Variants in SHANK2 observed in about 807,000 individuals in gnomAD.
SHANK2 encodes the protein SH3 and multiple ankyrin repeat domains protein 2.
In SHANK2, 43 loss-of-function variants were observed where a neutral mutation model predicts 133.7. The ratio of observed to expected loss-of-function variants is 0.32; its 90% CI spans 0.25 to 0.41. SHANK2 has a LOEUF of 0.41. Ranked by LOEUF, SHANK2 falls within the 10% of genes least tolerant of loss-of-function variation. The probability of loss-of-function intolerance (pLI) is 1.00; values close to 1 mark genes in which losing one functional copy is unlikely to be tolerated. For synonymous variants in SHANK2, 1,017 were observed against 952.8 expected (o/e 1.07, Z -1.24); for missense variants, 1,994 against 2,235.8 (o/e 0.89, Z 2.18).
At chr11:70,489,462 G>A in intron 23 of SHANK2, 114 bp from the exon 24 acceptor site, 1 of 936,296 alleles carries the variant, frequency 1.1e-6, no homozygotes, top group Non-Finnish European at 1.8e-6. Flanking sequence ...CACCTCCACG[G>A]CCACTTACTG....
intron 2 of SHANK2, among the ~76,000 whole-genome samples, chr11:71,155,147 G>A (rs1338372343): frequency 1.5e-4 from 10 of 66,192 alleles, no homozygotes; most frequent in East Asian, 1.0e-3. Context: ...CCACGCTCCC[G>A]GAGGAGGAGT....
chr11:71,253,056 G>A (rs1412661196), upstream of SHANK2, among the ~76,000 whole-genome samples: 1 of 152,212 alleles, frequency 6.6e-6, no homozygotes, highest in Non-Finnish European at 1.5e-5. Context: ...GCCGGCGTCT[G>A]CTGCCCAGGC....
At chr11:70,694,262 C>T (rs534698049) in intron 15 of SHANK2, among the ~76,000 whole-genome samples, 5 of 152,290 alleles carry the variant, frequency 3.3e-5, no homozygotes, top group East Asian at 1.9e-4. Flanking sequence ...CACTGTTTTC[C>T]GGGTGAGTGG....
chr11:70,874,156 TATCTA>T (rs1162889581), intron 11 of SHANK2, among the ~76,000 whole-genome samples: 12 of 152,118 alleles, frequency 7.9e-5, no homozygotes, highest in Non-Finnish European at 1.6e-4. Context: ...TATCCATATC[TATCTA>T]ATCTATCTAC....
chr11:71,125,686 C>T (rs1391164979), intron 3 of SHANK2, among the ~76,000 whole-genome samples: 13 of 152,172 alleles, frequency 8.5e-5, no homozygotes, highest in Admixed American at 4.6e-4. Flanking sequence ...CAGAAGATCT[C>T]GCTCAGATCA....
chr11:70,756,457 G>A (rs1438322760), intron 14 of SHANK2, among the ~76,000 whole-genome samples: 5 of 152,184 alleles, frequency 3.3e-5, no homozygotes, highest in Non-Finnish European at 7.3e-5. Context: ...AAGCCCCCAC[G>A]CTGCCTGGCA....
chr11:70,492,616 C>CAGAGG, intron 21 of SHANK2, 151 bp from the exon 22 acceptor site: 4 of 1,021,814 alleles, frequency 3.9e-6, no homozygotes, highest in Non-Finnish European at 2.9e-6. Context: ...TGTGCCTCTG[C>CAGAGG]CACATGCATT....
chr11:71,064,296 C>T (rs1951020433), intron 9 of SHANK2, among the ~76,000 whole-genome samples: 1 of 152,180 alleles, frequency 6.6e-6, no homozygotes, highest in Non-Finnish European at 1.5e-5. Context: ...GAGGATGCGG[C>T]TGGCTGGGCA....
intron 13 of SHANK2, among the ~76,000 whole-genome samples, chr11:70,800,913 T>A (rs530063553): frequency 3.3e-5 from 5 of 152,138 alleles, no homozygotes; most frequent in Non-Finnish European, 7.4e-5. Context: ...TTCTGCTGTT[T>A]TATATGGGCC....
chr11:70,875,269 T>C (rs1555070984), intron 11 of SHANK2, among the ~76,000 whole-genome samples: 6 of 152,212 alleles, frequency 3.9e-5, no homozygotes, highest in Non-Finnish European at 7.4e-5. Flanking sequence ...GCAGACAGCG[T>C]CACTCACTCC....
intron 11 of SHANK2, chr11:70,896,269 G>C (rs782207532): frequency 2.7e-5 from 12 of 444,742 alleles, no homozygotes; most frequent in Non-Finnish European, 4.7e-5. Context: ...CATCCTTCTA[G>C]AGAGGCATGT....
Position 71,211,642 on chromosome 11 carries a change from C to CAA in SHANK2, c.-13+13053_-13+13054dup, listed in dbSNP as rs35529960. On this transcript the variant is annotated intron_variant, in intron 2 of 25. Transcript: ENST00000601538. The stretch of plus-strand genomic sequence containing the variant: ...ACCACAATCCATTTTTGAGCATTTG[C>CAA]AAAAAAAAAAAAAAAAAATTAACCT... Among the ~76,000 whole-genome samples, 902 of 117,882 alleles carry CAA rather than the reference C, an allele frequency of 7.7e-3. 8 individuals carry two copies. Among genetic ancestry groups the CAA allele is most frequent in the African/African-American group, 0.019 (629 of 33,690 alleles). The allele number at this position is 117,882 out of a possible 152,430, so 77.3% of individuals were successfully genotyped here. A position where few individuals can be genotyped will look rare whatever the true frequency, so the allele number is the denominator to read the frequency against.
intron 2 of SHANK2, among the ~76,000 whole-genome samples, chr11:71,218,378 C>T (rs1180069537): frequency 2.6e-5 from 4 of 151,266 alleles, no homozygotes; most frequent in Non-Finnish European, 4.4e-5. Context: ...GATTCTCCTG[C>T]CTCAGCCTCC....
At chr11:70,683,690 G>T (rs1253083803) in intron 15 of SHANK2, among the ~76,000 whole-genome samples, 1 of 152,178 alleles carries the variant, frequency 6.6e-6, no homozygotes, top group Non-Finnish European at 1.5e-5. Flanking sequence ...CGCTTCTGGT[G>T]GCTGCAGCAG....
At chr11:71,250,213 G>T (rs1948156439) in intron 1 of SHANK2, among the ~76,000 whole-genome samples, 1 of 152,120 alleles carries the variant, frequency 6.6e-6, no homozygotes, top group East Asian at 1.9e-4. Context: ...TCACCTACTT[G>T]TAAAGAGTTA....
chr11:70,593,006 A>G (rs2155520), intron 17 of SHANK2, among the ~76,000 whole-genome samples: 79,590 of 152,038 alleles, frequency 0.52, 21,275 homozygotes, highest in African/African-American at 0.63. Flanking sequence ...GCCTGCAGCT[A>G]TCGGAGGGGT....
chr11:70,676,582 T>A, intron 15 of SHANK2, among the ~76,000 whole-genome samples: 1 of 152,250 alleles, frequency 6.6e-6, no homozygotes, highest in East Asian at 1.9e-4. Flanking sequence ...CATTGTGGTC[T>A]CAGCCACTGT....
chr11:70,744,728 G>T (rs1041075908), intron 14 of SHANK2, among the ~76,000 whole-genome samples: 2 of 152,360 alleles, frequency 1.3e-5, no homozygotes, highest in Middle Eastern at 3.4e-3. Context: ...ACAGCCAGAC[G>T]AAGTTTCTTG....
In SHANK2 at chr11:71,114,363, T is replaced by C. The variant is rs201566814; in HGVS notation, c.412-999A>G. ...CAGCAAAAACCGCCCCTGGGTAAAA[T>C]GATGGTGCGGGGCAGGTGGCGGGTG... On this transcript the variant is annotated intron_variant, in intron 4 of 25. Coordinates refer to ENST00000601538, the MANE Select transcript of SHANK2 (RefSeq NM_012309.5). Among the ~76,000 whole-genome samples the C allele has an allele frequency of 8.5e-5, 13 of 152,196 alleles. No homozygotes were observed. In the East Asian group the frequency reaches 2.5e-3, roughly 29 times the overall value.
Sources: allele counts gnomAD v4.1 joint callset (sites outside exome capture counted in the v4.1 genomes callset), GRCh38; gene constraint gnomAD v4.1.1; transcripts MANE v1.5; gene names NCBI Gene and HGNC (gene_info 2026-07-23, HGNC 2026-07-21).